The following SYNJ1 variants were observed in gnomAD, a reference collection of about 807,000 sequenced individuals.
SYNJ1 encodes the protein polyphosphatidylinositol phosphatase SYNJ1.
In SYNJ1, 78 loss-of-function variants were observed where a neutral mutation model predicts 168.2. The observed-to-expected ratio is 0.46, with a 90% CI of 0.39 to 0.56. SYNJ1 has a LOEUF of 0.56. SYNJ1 is among the 20% of genes least tolerant of loss of function. The pLI is 0.00. For synonymous variants in SYNJ1, 539 were observed against 548.6 expected, an observed-to-expected ratio of 0.98 and a Z score of 0.24; for missense variants, 1,303 against 1,597.6, an observed-to-expected ratio of 0.82 and a Z score of 3.14.
intron 13 of SYNJ1, among the ~76,000 whole-genome samples, chr21:32,674,884 C>T (rs2041343418): frequency 6.6e-6 from 1 of 152,104 alleles, no homozygotes; most frequent in Admixed American, 6.6e-5. Context: ...CGAGTGATGT[C>T]TTAGTATTCT....
chr21:32,634,259 C>G (rs1388189488), intron 32 of SYNJ1, among the ~76,000 whole-genome samples: 1 of 152,060 alleles, frequency 6.6e-6, no homozygotes, highest in African/African-American at 2.4e-5. Context: ...CAATGACAAC[C>G]ACATCACCAT....
intron 23 of SYNJ1, 108 bp downstream of exon 23, chr21:32,650,076 T>G: frequency 7.5e-7 from 1 of 1,340,186 alleles, no homozygotes; most frequent in Non-Finnish European, 1.0e-6. Context: ...AATAGTGCTA[T>G]GTACGTCCCA....
intron 26 of SYNJ1, among the ~76,000 whole-genome samples, chr21:32,644,617 A>G (rs1207721523): frequency 6.6e-6 from 1 of 152,254 alleles, no homozygotes; most frequent in Non-Finnish European, 1.5e-5. Context: ...AAAATCATAC[A>G]GTTCTTTGCT....
In SYNJ1 at chr21:32,684,372, C is replaced by T. The variant is rs1158147083; in HGVS notation, c.1119-253G>A. Among the ~76,000 whole-genome samples, 3 of 152,158 alleles carry T rather than the reference C, an allele frequency of 2.0e-5. No individual in the cohort carries two copies. In the East Asian group the frequency reaches 5.8e-4, roughly 29 times the overall value. On this transcript the variant is annotated intron_variant, in intron 9 of 32. Coordinates refer to ENST00000674351, the MANE Select transcript of SYNJ1 (RefSeq NM_203446.3). Reference sequence around the variant, plus strand: ...ACACACTTATTTTTAATTAGGCCAACAATTAGAAACTAAATATACATTCAG... The same window carrying T: ...ACACACTTATTTTTAATTAGGCCAATAATTAGAAACTAAATATACATTCAG...
chr21:32,665,097 A>T, intron 17 of SYNJ1, 26 bp from the exon 18 acceptor site: 1 of 1,561,124 alleles, frequency 6.4e-7, no homozygotes, highest in South Asian at 1.2e-5. Context: ...TAGAATTTTA[A>T]ATTCAAAACA....
intron 13 of SYNJ1, among the ~76,000 whole-genome samples, chr21:32,675,698 G>T (rs2041380132): frequency 6.6e-6 from 1 of 152,110 alleles, no homozygotes; most frequent in African/African-American, 2.4e-5. Context: ...CATAAACCTT[G>T]CCCAGAGAAT....
In SYNJ1 at chr21:32,639,777, C is replaced by T. The variant is rs764207431; in HGVS notation, c.3591G>A (p.Thr1197=). Residue 1197 remains threonine (T), a splice_region_variant and synonymous_variant, in exon 30 of 33, where the codon ACG becomes ACA. Coordinates refer to ENST00000674351, the MANE Select transcript of SYNJ1 (RefSeq NM_203446.3). The part of the protein sequence containing the change: ...GPAGYSTARP[T]IPPRAGVISA... ...TGATAACTCCAGCACGAGGAGGAAT[C>T]GTCTACAGATAGGAAACATAACACT... 3.2e-5 allele frequency: 52 copies of T among 1,613,222 alleles called. No individual in the cohort carries two copies. The Admixed American group carries it at 7.8e-4, about 24-fold the overall frequency.
chr21:32,697,942 A>G (rs1157993800), intron 4 of SYNJ1, among the ~76,000 whole-genome samples: 3 of 152,188 alleles, frequency 2.0e-5, no homozygotes, highest in African/African-American at 4.8e-5. Flanking sequence ...AGGAGGGAAA[A>G]AAATGTAAGG....
At chr21:32,634,776 C>T in intron 32 of SYNJ1, 85 bp downstream of exon 32, 1 of 1,427,902 alleles carries the variant, frequency 7.0e-7, no homozygotes, top group Non-Finnish European at 9.8e-7. Flanking sequence ...ATGGGTGAAA[C>T]TTTAGATGTA....
At chr21:32,708,282 G>A (rs117311368) in intron 2 of SYNJ1, among the ~76,000 whole-genome samples, 2,026 of 152,292 alleles carry the variant, frequency 0.013, 20 homozygotes, top group Middle Eastern at 0.024. Context: ...ATGAAAGTTC[G>A]GAAGATACCG....
intron 32 of SYNJ1, among the ~76,000 whole-genome samples, chr21:32,634,470 C>G (rs2039472404): frequency 6.6e-6 from 1 of 152,012 alleles, no homozygotes; most frequent in Non-Finnish European, 1.5e-5. Context: ...ATATTTCCCC[C>G]AAATATTTTT....
chr21:32,724,521 CAT>C (rs1302841120), intron 2 of SYNJ1, among the ~76,000 whole-genome samples: 1 of 152,104 alleles, frequency 6.6e-6, no homozygotes, highest in African/African-American at 2.4e-5. Context: ...AAAGAAAAAA[CAT>C]GATTTTAGAA....
At chr21:32,651,332 T>G (rs2040263011) in intron 22 of SYNJ1, among the ~76,000 whole-genome samples, 1 of 152,234 alleles carries the variant, frequency 6.6e-6, no homozygotes, top group Non-Finnish European at 1.5e-5. Flanking sequence ...GTACAGATCT[T>G]CCTTGGCTCA....
At chr21:32,681,273 A>G (rs1311343119) in intron 11 of SYNJ1, among the ~76,000 whole-genome samples, 1 of 152,252 alleles carries the variant, frequency 6.6e-6, no homozygotes, top group Non-Finnish European at 1.5e-5. Context: ...GATACGTTAT[A>G]TATACATACT....
intron 4 of SYNJ1, among the ~76,000 whole-genome samples, chr21:32,697,023 A>G (rs1258250924): frequency 6.6e-6 from 1 of 152,228 alleles, no homozygotes; most frequent in Non-Finnish European, 1.5e-5. Context: ...GCCACAGCAA[A>G]GTTATAAGAA....
At chr21:32,638,693 T>C (rs1220670725) in intron 31 of SYNJ1, among the ~76,000 whole-genome samples, 1 of 152,016 alleles carries the variant, frequency 6.6e-6, no homozygotes, top group African/African-American at 2.4e-5. Context: ...CAAGACTTCG[T>C]CTTAAAAAGG....
intron 11 of SYNJ1, among the ~76,000 whole-genome samples, chr21:32,679,192 T>C (rs1352810023): frequency 6.6e-6 from 1 of 152,110 alleles, no homozygotes; most frequent in Non-Finnish European, 1.5e-5. Flanking sequence ...AAATGGGAGA[T>C]AAAAGAAGAT....
chr21:32,714,763 A>C (rs2042962302), intron 2 of SYNJ1, among the ~76,000 whole-genome samples: 1 of 152,202 alleles, frequency 6.6e-6, no homozygotes, highest in Non-Finnish European at 1.5e-5. Flanking sequence ...ATACTATGGA[A>C]ATCACAGAAA....
chr21:32,687,442 T>C (rs531400308), intron 7 of SYNJ1, among the ~76,000 whole-genome samples: 1 of 152,292 alleles, frequency 6.6e-6, no homozygotes, highest in Admixed American at 6.5e-5. Context: ...ACCTACTCCG[T>C]TGAGTATTCA....
Sources: gnomAD v4.1 joint callset for allele counts (sites outside exome capture counted in the v4.1 genomes callset) on GRCh38, gnomAD v4.1.1 for gene constraint, MANE v1.5 for transcripts, NCBI Gene and HGNC (gene_info 2026-07-23, HGNC 2026-07-21) for gene names.